Variants in AKAP8 observed in about 807,000 individuals in gnomAD.
AKAP8 encodes A-kinase anchor protein 8.
AKAP8 carries 24 observed loss-of-function variants against 67.5 expected under a neutral mutation model. That is an observed-to-expected ratio of 0.36 (90% CI 0.26 to 0.50). The LOEUF (loss-of-function observed/expected upper bound fraction) is 0.50. Among genes scored for constraint, AKAP8 ranks in the 20% least tolerant of loss-of-function variants. AKAP8 has a pLI of 0.97. For synonymous variants in AKAP8, 400 were observed against 371.1 expected, an observed-to-expected ratio of 1.08 and a Z score of -0.90; for missense variants, 971 against 955.9, an observed-to-expected ratio of 1.02 and a Z score of -0.21.
Position 15,372,853 on chromosome 19 carries a change from G to C in AKAP8, c.859C>G (p.Arg287Gly), listed in dbSNP as rs763864182. ...GAAGGAACCTTGCGAGGGCTTACCC[G>C]ATCCCGATCCCGCATCCGAGGCTGC... Reference protein sequence around the residue: ...RSQPRMRDRDRPKRRGFDRFG... With the variant: ...RSQPRMRDRDGPKRRGFDRFG... The change falls in exon 5 of 14, where the codon CGG becomes GGG. Residue 287 changes from arginine (R) to glycine (G), a missense_variant and splice_region_variant. Transcript: ENST00000269701. The C allele has an allele frequency of 6.7e-7, 1 of 1,499,830 alleles. No individual in the cohort carries two copies. The highest frequency in any genetic ancestry group is 2.4e-5 in the Admixed American group (1 of 41,046). The allele number at this position is 1,499,830 out of a possible 1,614,324, so 92.9% of individuals were successfully genotyped here.
chr19:15,374,578 A>AG (rs780599126), intron 3 of AKAP8, 25 bp downstream of exon 3: 18 of 1,560,394 alleles, frequency 1.2e-5, no homozygotes, highest in Non-Finnish European at 1.6e-5. Flanking sequence ...GCCCGCCCAC[A>AG]GACCCCCCCC....
intron 4 of AKAP8, 140 bp downstream of exon 4, chr19:15,373,646 C>A (rs1047862499): frequency 9.0e-7 from 1 of 1,110,206 alleles, no homozygotes; most frequent in Non-Finnish European, 1.2e-6. Flanking sequence ...CATCACTGAC[C>A]CCCCACGAGC....
rs1409530929 is a variant in AKAP8 at position 15,373,934 on chromosome 19, T to A, written c.223A>T (p.Met75Leu). 1 of 1,613,778 alleles carries A rather than the reference T, an allele frequency of 6.2e-7. No homozygotes were observed. The highest frequency in any genetic ancestry group is 1.3e-5 in the African/African-American group (1 of 74,934). Residue 75 changes from methionine to leucine, a missense_variant, in exon 4 of 14, where the codon ATG (methionine) becomes TTG (leucine). Around this residue, in one of 3 missense-constraint regions of AKAP8, gnomAD observed 763 missense variants for 745.4 expected, o/e 1.02. Coordinates refer to ENST00000269701, the MANE Select transcript of AKAP8 (RefSeq NM_005858.4). ...TCTGGGCCGTAAGAGGCCATGTGCA[T>A]GGCAGGGGCCCCGGCCGCCAGGCCG... ...DGGLAAGAPA[M>L]HMASYGPEPC...
At chr19:15,372,385 G>C in intron 5 of AKAP8, 38 bp from the exon 6 acceptor site, 2 of 1,603,176 alleles carry the variant, frequency 1.2e-6, no homozygotes, top group African/African-American at 1.3e-5. Flanking sequence ...CTACTTACGA[G>C]GGCCATGAAG....
intron 1 of AKAP8, chr19:15,379,491 C>G (rs1967331468): frequency 6.1e-6 from 3 of 492,274 alleles, no homozygotes; most frequent in South Asian, 3.4e-5. Flanking sequence ...GAGTCCCGCC[C>G]GCCTCCTCGG....
intron 9 of AKAP8, 109 bp from the exon 10 acceptor site, chr19:15,362,360 TCTCCCC>T (rs1966981636): frequency 1.7e-6 from 2 of 1,199,828 alleles, no homozygotes; most frequent in Non-Finnish European, 2.3e-6. Context: ...GATTTTCAGC[TCTCCCC>T]CTCCCCCTCT....
intron 9 of AKAP8, among the ~76,000 whole-genome samples, chr19:15,366,954 C>A (rs1024496357): frequency 6.6e-6 from 1 of 152,128 alleles, no homozygotes; most frequent in African/African-American, 2.4e-5. Context: ...GTCGCCCAGG[C>A]TGGAGTGCAG....
intron 11 of AKAP8, 107 bp from the exon 12 acceptor site, chr19:15,361,085 G>A: frequency 7.1e-7 from 1 of 1,405,454 alleles, no homozygotes; most frequent in Non-Finnish European, 9.6e-7. Context: ...GGAATCAGAA[G>A]GGCACAGCCT....
intron 1 of AKAP8, among the ~76,000 whole-genome samples, chr19:15,378,162 A>C (rs1285134315): frequency 2.6e-5 from 4 of 152,200 alleles, no homozygotes; most frequent in South Asian, 2.1e-4. Flanking sequence ...ATGGGTTACG[A>C]GACTTGACCC....
chr19:15,357,616 C>T lies in AKAP8; in HGVS notation c.1623+1351G>A, dbSNP rs1443877387. On this transcript the variant is annotated intron_variant, in intron 13 of 13. Transcript: ENST00000269701. ...CAAGACCCTGACTCAAAAAAAAAGA[C>T]GCTTAGAAGCCTGAGCTCACACTTG... is the stretch of plus-strand genomic sequence containing the variant. 5.3e-5 allele frequency among the ~76,000 whole-genome samples: 8 copies of T among 151,110 alleles called. 1 individual carries two copies. In the South Asian group the frequency reaches 6.3e-4, roughly 12 times the overall value.
In AKAP8 at chr19:15,376,995, A is replaced by G. The variant is rs1453966603; in HGVS notation, c.39T>C (p.Ala13=). ...QGYGGYGAWS[A]GPANTQGAYG... ...ACTTACCCTGGGTGTTGGCAGGTCC[A>G]GCACTCCACGCCCCGTAGCCTGCAA... Residue 13 remains alanine, a synonymous_variant, in exon 2 of 14, where the codon GCT becomes GCC. Coordinates refer to ENST00000269701, the MANE Select transcript of AKAP8 (RefSeq NM_005858.4). The G allele has an allele frequency of 1.2e-6, 2 of 1,613,278 alleles. No homozygotes were observed. Among genetic ancestry groups the G allele is most frequent in the South Asian group, 2.2e-5 (2 of 90,850 alleles).
intron 13 of AKAP8, among the ~76,000 whole-genome samples, chr19:15,357,540 C>T (rs370168389): frequency 2.9e-4 from 43 of 149,724 alleles, no homozygotes; most frequent in East Asian, 5.9e-4. Flanking sequence ...CTCAGGAATT[C>T]GAGGCTGCAG....
At chr19:15,379,026 C>T in intron 1 of AKAP8, 1 of 153,022 alleles carries the variant, frequency 6.5e-6, no homozygotes, top group South Asian at 2.0e-4. Flanking sequence ...TGCCCCTCAC[C>T]ATCCTGTCCC....
At chr19:15,361,867 G>A (rs772268201) in intron 10 of AKAP8, 45 bp from the exon 11 acceptor site, 24 of 1,548,208 alleles carry the variant, frequency 1.6e-5, no homozygotes, top group South Asian at 1.0e-4. Context: ...AGAGGTGGGC[G>A]CATGTGGGCA....
chr19:15,363,761 G>A (rs1215428818), intron 9 of AKAP8, among the ~76,000 whole-genome samples: 1 of 152,224 alleles, frequency 6.6e-6, no homozygotes, highest in African/African-American at 2.4e-5. Flanking sequence ...TGGTTGCTGT[G>A]TCTGTGTAGA....
chr19:15,379,758 C>A lies in AKAP8; in HGVS notation c.-27G>T, dbSNP rs374460362. On this transcript the variant is annotated 5_prime_UTR_variant, in exon 1 of 14. Transcript: ENST00000269701. ...TCTTCGACGCGGCCCACCAGCAGCC[C>A]CGTTTACTAGGCGACCACAGCACGC... 3 of 1,610,524 alleles carry A rather than the reference C, an allele frequency of 1.9e-6. No individual in the cohort carries two copies. Among genetic ancestry groups the A allele is most frequent in the African/African-American group, 1.3e-5 (1 of 74,734 alleles).
chr19:15,361,986 G>A, intron 10 of AKAP8, 124 bp downstream of exon 10: 3 of 1,432,260 alleles, frequency 2.1e-6, no homozygotes, highest in East Asian at 2.3e-5. Flanking sequence ...GACTTACACA[G>A]CTACTCTATC....
intron 2 of AKAP8, among the ~76,000 whole-genome samples, 195 bp downstream of exon 2, chr19:15,376,781 A>G (rs1967260344): frequency 1.3e-5 from 2 of 152,176 alleles, no homozygotes; most frequent in African/African-American, 4.8e-5. Flanking sequence ...ACTCTTTCAC[A>G]CATTTATGAC....
At chr19:15,374,421 GAGGCCGCCCACCAC>G (rs1335112814) in intron 3 of AKAP8, among the ~76,000 whole-genome samples, 168 bp downstream of exon 3, 1 of 152,148 alleles carries the variant, frequency 6.6e-6, no homozygotes, top group Non-Finnish European at 1.5e-5. Flanking sequence ...ATGCTCCCCT[GAGGCCGCCCACCAC>G]AGCCCTCTGC....
Sources: allele counts gnomAD v4.1 joint callset (sites outside exome capture counted in the v4.1 genomes callset), GRCh38; gene constraint gnomAD v4.1.1; regional missense constraint gnomAD v4.1.1; transcripts MANE v1.5; gene names NCBI Gene and HGNC (gene_info 2026-07-23, HGNC 2026-07-21).